MARCHF10: variants seen among roughly 807,000 people sequenced by gnomAD.
MARCHF10 encodes the protein membrane associated ring-CH-type finger 10.
A neutral mutation model predicts 76.2 loss-of-function variants in MARCHF10; 64 were observed. The observed-to-expected ratio is 0.84, with a 90% confidence interval of 0.69 to 1.03. The LOEUF (loss-of-function observed/expected upper bound fraction) is 1.03, where lower values mean the gene tolerates loss of function less well. Ranked by LOEUF, MARCHF10 falls within the 50% of genes least tolerant of loss-of-function variation. The probability of loss-of-function intolerance (pLI) is 0.00; values close to 1 mark genes in which losing one functional copy is unlikely to be tolerated. For missense variants in MARCHF10, 875 were observed against 958.0 expected (o/e 0.91, Z 1.14); for synonymous variants, 340 against 357.5 (o/e 0.95, Z 0.55).
At chr17:62,795,736 G>C (rs186767733) in intron 2 of MARCHF10, among the ~76,000 whole-genome samples, 21 of 152,324 alleles carry the variant, frequency 1.4e-4, no homozygotes, top group Admixed American at 1.2e-3. Flanking sequence ...GTGGAGTACA[G>C]GAAGGGACAC....
Position 62,737,200 on chromosome 17 carries a change from G to A in MARCHF10, c.668C>T (p.Pro223Leu), listed in dbSNP as rs772324763. Residue 223 changes from proline to leucine, a missense_variant, in exon 6 of 11, where the codon CCG becomes CTG. Coordinates refer to ENST00000311269, the MANE Select transcript of MARCHF10 (RefSeq NM_152598.4). ...NAPDRAKKGD[P>L]SAPSQSELHP... Reference sequence around the variant, plus strand: ...CAGCTCACTCTGGGAAGGAGCACTCGGGTCTCCTTTTTTGGCTCTATCAGG... The same window carrying A: ...CAGCTCACTCTGGGAAGGAGCACTCAGGTCTCCTTTTTTGGCTCTATCAGG... The A allele has an allele frequency of 6.8e-6, 11 of 1,614,024 alleles. No homozygotes were observed. Among genetic ancestry groups the A allele is most frequent in the East Asian group, 2.2e-5 (1 of 44,872 alleles).
intron 2 of MARCHF10, among the ~76,000 whole-genome samples, chr17:62,796,152 C>T (rs1290917505): frequency 6.6e-6 from 1 of 151,958 alleles, no homozygotes; most frequent in Non-Finnish European, 1.5e-5. Context: ...TACAGGTGTG[C>T]ACCACCACAC....
chr17:62,780,813 G>A (rs143612651), intron 3 of MARCHF10: 2 of 152,244 alleles, frequency 1.3e-5, no homozygotes, highest in African/African-American at 4.8e-5. Flanking sequence ...AGAAGGGCCC[G>A]TGATGTGTTG....
intron 1 of MARCHF10, among the ~76,000 whole-genome samples, chr17:62,805,202 T>A (rs961851169): frequency 2.0e-5 from 3 of 152,248 alleles, no homozygotes; most frequent in African/African-American, 7.2e-5. Context: ...AGCATTTTAA[T>A]AATCACTTAT....
chr17:62,783,650 G>A (rs1398045068), intron 3 of MARCHF10, among the ~76,000 whole-genome samples: 2 of 150,984 alleles, frequency 1.3e-5, no homozygotes, highest in African/African-American at 4.9e-5. Flanking sequence ...AAGAGGAAGA[G>A]AGAAGAATCA....
At chr17:62,723,174 A>C (rs1183736136) in intron 7 of MARCHF10, among the ~76,000 whole-genome samples, 1 of 151,176 alleles carries the variant, frequency 6.6e-6, no homozygotes, top group African/African-American at 2.4e-5. Flanking sequence ...GCTCAGACTC[A>C]TCGGGGAAAA....
At position 62,701,405 on chromosome 17, in the gene MARCHF10, C is replaced by T. The variant is rs1319423787; in HGVS notation, c.*298G>A. The stretch of plus-strand genomic sequence containing the variant: ...TGGCAGGTGCCCTCAGCAGTGGGAC[C>T]CCAGGCCACTGGACCTGGCAGGGCT... On this transcript the variant is annotated 3_prime_UTR_variant, in exon 11 of 11. Coordinates refer to ENST00000311269, the MANE Select transcript of MARCHF10 (RefSeq NM_152598.4). 1 of 507,662 alleles carries T rather than the reference C, an allele frequency of 2.0e-6. No homozygotes were observed. Among genetic ancestry groups the T allele is most frequent in the Non-Finnish European group, 3.5e-6 (1 of 289,782 alleles). The allele number at this position is 507,662 out of a possible 1,614,324, so 31.4% of individuals were successfully genotyped here. A position where few individuals can be genotyped will look rare whatever the true frequency, so the allele number is the denominator to read the frequency against.
intron 10 of MARCHF10, chr17:62,705,237 A>G: frequency 7.5e-7 from 1 of 1,337,592 alleles, no homozygotes; most frequent in Non-Finnish European, 9.6e-7. Context: ...TGGACGCTGG[A>G]GAATCCCAGC....
chr17:62,733,736 T>G (rs571709305), intron 6 of MARCHF10, among the ~76,000 whole-genome samples: 1 of 152,332 alleles, frequency 6.6e-6, no homozygotes, highest in Non-Finnish European at 1.5e-5. Context: ...GAGAATACTT[T>G]GTAGTGTGAA....
chr17:62,785,104 C>T (rs2092723704), intron 3 of MARCHF10, among the ~76,000 whole-genome samples: 1 of 152,192 alleles, frequency 6.6e-6, no homozygotes, highest in Non-Finnish European at 1.5e-5. Context: ...CTGGAGGCAT[C>T]ATGCTACCTG....
At chr17:62,766,383 C>T (rs1171845341) in intron 3 of MARCHF10, among the ~76,000 whole-genome samples, 1 of 151,922 alleles carries the variant, frequency 6.6e-6, no homozygotes, top group Non-Finnish European at 1.5e-5. Flanking sequence ...GCCTGTAATC[C>T]CAGCTACTCA....
intron 3 of MARCHF10, among the ~76,000 whole-genome samples, chr17:62,760,335 C>T (rs1388512763): frequency 6.6e-6 from 1 of 152,132 alleles, no homozygotes; most frequent in East Asian, 1.9e-4. Flanking sequence ...TGCTTTTAAA[C>T]TTCTTATTGT....
chr17:62,759,962 G>A lies in MARCHF10; in HGVS notation c.255C>T (p.Ile85=). The A allele has an allele frequency of 6.2e-7, 1 of 1,614,022 alleles. No individual in the cohort carries two copies. Among genetic ancestry groups the A allele is most frequent in the Non-Finnish European group, 8.5e-7 (1 of 1,179,988 alleles). The change falls in exon 4 of 11, where the codon ATC becomes ATT. Residue 85 remains isoleucine, a synonymous_variant. Coordinates refer to ENST00000311269, the MANE Select transcript of MARCHF10 (RefSeq NM_152598.4). ...AGTCACACTTAAATGCAGATATCTT[G>A]ATAGATGACCTTGGTTCAGTTAGAG... ...EDALTEPRSS[I]KISAFKCDSK...
chr17:62,736,511 A>G lies in MARCHF10; in HGVS notation c.1357T>C (p.Tyr453His), dbSNP rs1255140678. The G allele has an allele frequency of 6.2e-7, 1 of 1,614,094 alleles. No homozygotes were observed. Among genetic ancestry groups the G allele is most frequent in the Non-Finnish European group, 8.5e-7 (1 of 1,180,026 alleles). Residue 453 changes from tyrosine to histidine, a missense_variant, in exon 6 of 11, where the codon TAC (tyrosine) becomes CAC (histidine). Tyr to His is a moderately conservative substitution (Grantham distance 83). Coordinates refer to ENST00000311269, the MANE Select transcript of MARCHF10 (RefSeq NM_152598.4). Reference protein sequence around the residue: ...YLNSSQNSLDYFISGRPISPR... With the variant: ...YLNSSQNSLDHFISGRPISPR... ...GATATTGGTCTGCCAGAAATAAAGT[A>G]GTCAAGAGAATTTTGAGAACTGTTT...
chr17:62,705,965 C>T (rs571500519), intron 9 of MARCHF10, among the ~76,000 whole-genome samples: 12 of 152,228 alleles, frequency 7.9e-5, no homozygotes, highest in Non-Finnish European at 1.8e-4. Flanking sequence ...TTGAAACAAT[C>T]GCTTGTATTC....
intron 5 of MARCHF10, among the ~76,000 whole-genome samples, chr17:62,742,541 T>C (rs901697310): frequency 6.6e-6 from 1 of 152,156 alleles, no homozygotes; most frequent in East Asian, 1.9e-4. Flanking sequence ...ACGGGTATAA[T>C]GGGACATTAG....
intron 3 of MARCHF10, among the ~76,000 whole-genome samples, chr17:62,774,996 G>A (rs1305571151): frequency 6.6e-6 from 1 of 151,940 alleles, no homozygotes; most frequent in Non-Finnish European, 1.5e-5. Flanking sequence ...GGAGGTTGCA[G>A]TGAGCTGAGA....
At chr17:62,750,785 G>A (rs2091873823) in intron 4 of MARCHF10, among the ~76,000 whole-genome samples, 1 of 152,212 alleles carries the variant, frequency 6.6e-6, no homozygotes, top group Non-Finnish European at 1.5e-5. Flanking sequence ...ATGTCGGGAA[G>A]TTCTTTTCCC....
rs776530945 is a variant in MARCHF10, at chr17:62,760,025, G to A, written c.211-19C>T. ...TAGAACTCTACCAAAAATGAAATAC[G>A]TCTGAGTCTCAGTGGCCAAGTAGGT... is the stretch of plus-strand genomic sequence containing the variant. On this transcript the variant is annotated intron_variant, in intron 3 of 10. Transcript: ENST00000311269. The A allele has an allele frequency of 1.3e-5, 21 of 1,607,412 alleles. No individual in the cohort carries two copies. The highest frequency in any genetic ancestry group is 2.7e-5 in the African/African-American group (2 of 74,650).
Sources: allele counts gnomAD v4.1 joint callset (sites outside exome capture counted in the v4.1 genomes callset), GRCh38; gene constraint gnomAD v4.1.1; transcripts MANE v1.5; gene names NCBI Gene and HGNC (gene_info 2026-07-23, HGNC 2026-07-21).